The following REPS1 variants were observed in gnomAD, a reference collection of about 807,000 sequenced individuals.
REPS1 encodes ralBP1-associated Eps domain-containing protein 1.
A neutral mutation model predicts 100.9 loss-of-function variants in REPS1; 39 were observed. The ratio of observed to expected loss-of-function variants is 0.39; its 90% CI spans 0.30 to 0.50. The LOEUF (loss-of-function observed/expected upper bound fraction) is 0.50, where lower values mean the gene tolerates loss of function less well. REPS1 is among the 20% of genes least tolerant of loss of function. REPS1 has a pLI of 0.86. For missense variants in REPS1, 821 were observed against 968.5 expected, an observed-to-expected ratio of 0.85 and a Z score of 2.02; for synonymous variants, 324 against 340.3, an observed-to-expected ratio of 0.95 and a Z score of 0.53.
In REPS1 at chr6:138,914,707, TGTG is replaced by T; in HGVS notation, c.1772_1774del (p.Pro591del). On this transcript the variant is annotated inframe_deletion, in exon 15 of 20. Transcript: ENST00000450536. ...ACCTTGGAGAATTACCTGTGAGGGC[TGTG>T]GTCTTGGAGGCACTGCAGGAGGATG... is the stretch of plus-strand genomic sequence containing the variant. The T allele has an allele frequency of 6.2e-7, 1 of 1,613,394 alleles. No homozygotes were observed. Among genetic ancestry groups the T allele is most frequent in the Non-Finnish European group, 8.5e-7 (1 of 1,179,412 alleles).
rs1784191156 is a variant in REPS1, at chr6:138,969,279, T to TTTTTTTTTTTTTTTTTTTTTTTTTTG, written c.153+18250_153+18251insCAAAAAAAAAAAAAAAAAAAAAAAAA. Among the ~76,000 whole-genome samples, 2 of 126,248 alleles carry TTTTTTTTTTTTTTTTTTTTTTTTTTG rather than the reference T, an allele frequency of 1.6e-5. 1 individual carries two copies. The highest frequency in any genetic ancestry group is 6.5e-5 in the African/African-American group (2 of 30,900). 82.8% of individuals were successfully genotyped at this position (126,248 alleles called of 152,430 possible). On this transcript the variant is annotated intron_variant, in intron 1 of 19. Coordinates refer to ENST00000450536, the MANE Select transcript of REPS1 (RefSeq NM_001286611.2). ...TGATACAAAGCTGTAATTTTTTTTT[T>TTTTTTTTTTTTTTTTTTTTTTTTTTG]TTTTTTTTTTTTTTTTTTGAGATAG...
chr6:138,916,829 T>C (rs768087782), intron 13 of REPS1, among the ~76,000 whole-genome samples: 1 of 152,136 alleles, frequency 6.6e-6, no homozygotes, highest in Non-Finnish European at 1.5e-5. Context: ...AGGCCTCTGG[T>C]AATCTGATCT....
chr6:138,938,461 A>AT (rs1216945952), intron 8 of REPS1, among the ~76,000 whole-genome samples: 1 of 152,190 alleles, frequency 6.6e-6, no homozygotes, highest in Non-Finnish European at 1.5e-5. Context: ...AAATCGCTGT[A>AT]TTTTCAAAGG....
chr6:138,973,437 C>T (rs556557047), intron 1 of REPS1, among the ~76,000 whole-genome samples: 41 of 152,054 alleles, frequency 2.7e-4, no homozygotes, highest in Admixed American at 5.2e-4. Context: ...GAAGAATTTG[C>T]TCTGGATCCC....
Position 138,943,043 on chromosome 6 carries a change from C to T in REPS1, c.980+470G>A, listed in dbSNP as rs13213767. Among the ~76,000 whole-genome samples, 104 of 152,308 alleles carry T rather than the reference C, an allele frequency of 6.8e-4. 1 individual carries two copies. Among genetic ancestry groups the T allele is most frequent in the Non-Finnish European group, 1.2e-3 (81 of 68,038 alleles). ...GATTACAGGTATGAGCCACCGCACC[C>T]GGCCCTGGCCTATTTTTATAAAGTA... On this transcript the variant is annotated intron_variant, in intron 7 of 19. Transcript: ENST00000450536.
At chr6:138,982,008 CTG>C (rs1355041402) in intron 1 of REPS1, among the ~76,000 whole-genome samples, 1 of 152,204 alleles carries the variant, frequency 6.6e-6, no homozygotes, top group African/African-American at 2.4e-5. Flanking sequence ...AACACATTGA[CTG>C]TGACTTCTTT....
At chr6:138,949,986 A>G (rs1049485432) in intron 1 of REPS1, among the ~76,000 whole-genome samples, 1 of 152,068 alleles carries the variant, frequency 6.6e-6, no homozygotes, top group Non-Finnish European at 1.5e-5. Context: ...GTGATACAGA[A>G]TTTTCCAATT....
chr6:138,986,821 TC>T (rs1785285642), intron 1 of REPS1, among the ~76,000 whole-genome samples: 2 of 152,176 alleles, frequency 1.3e-5, no homozygotes, highest in Non-Finnish European at 2.9e-5. Flanking sequence ...GGTTTGCTCC[TC>T]CAGGGCTTCA....
chr6:138,931,969 G>C (rs892647060), intron 8 of REPS1, among the ~76,000 whole-genome samples: 2 of 152,098 alleles, frequency 1.3e-5, no homozygotes, highest in Admixed American at 6.5e-5. Flanking sequence ...ACTAATTTTC[G>C]AAAGAATTTA....
intron 16 of REPS1, among the ~76,000 whole-genome samples, chr6:138,912,209 C>G: frequency 6.6e-6 from 1 of 152,198 alleles, no homozygotes; most frequent in South Asian, 2.1e-4. Flanking sequence ...TAGAGAGGTT[C>G]TTGCCATTGG....
Position 138,904,126 on chromosome 6 carries a change from A to T in REPS1, c.*938T>A, listed in dbSNP as rs984941602. 1 of 152,236 alleles carries T rather than the reference A, an allele frequency of 6.6e-6. No homozygotes were observed. Among genetic ancestry groups the T allele is most frequent in the East Asian group, 1.9e-4 (1 of 5,206 alleles). 9.4% of individuals were successfully genotyped at this position (152,236 alleles called of 1,614,324 possible). On this transcript the variant is annotated 3_prime_UTR_variant, in exon 20 of 20. Transcript: ENST00000450536. ...ATAGACAGAATAAATCTTAAAGGGA[A>T]TATCTGCTGTTAGCAATGGATCGAA... is the stretch of plus-strand genomic sequence containing the variant.
intron 1 of REPS1, among the ~76,000 whole-genome samples, chr6:138,950,766 C>G (rs1782964427): frequency 6.6e-6 from 1 of 152,122 alleles, no homozygotes; most frequent in Admixed American, 6.5e-5. Flanking sequence ...AATCATTTGT[C>G]AGAATAAACT....
intron 2 of REPS1, among the ~76,000 whole-genome samples, chr6:138,947,304 T>C (rs1782699474): frequency 6.6e-6 from 1 of 152,152 alleles, no homozygotes; most frequent in Admixed American, 6.6e-5. Context: ...TTTAATATTG[T>C]CTCTTATCGA....
intron 15 of REPS1, among the ~76,000 whole-genome samples, chr6:138,913,549 A>G (rs1167071649): frequency 6.6e-6 from 1 of 152,228 alleles, no homozygotes; most frequent in Non-Finnish European, 1.5e-5. Context: ...GACAGTCCGG[A>G]GCAGGAGAAG....
chr6:138,957,750 A>C (rs1783490211), intron 1 of REPS1, among the ~76,000 whole-genome samples: 1 of 152,166 alleles, frequency 6.6e-6, no homozygotes, highest in Non-Finnish European at 1.5e-5. Context: ...TGTGAGAAAA[A>C]ACAAAAGACA....
At chr6:138,925,260 G>A (rs576039109) in intron 10 of REPS1, among the ~76,000 whole-genome samples, 20 of 151,940 alleles carry the variant, frequency 1.3e-4, no homozygotes, top group Non-Finnish European at 2.6e-4. Flanking sequence ...CCAGCTACTC[G>A]GGAGGCTAAG....
chr6:138,903,709 G>A lies in REPS1; in HGVS notation c.*1355C>T, dbSNP rs1202708725. ...CACTCAGAAAAACAGGTGTTGAGTA[G>A]TTTCCTGGGCCTTTAATGCTTTAAA... On this transcript the variant is annotated 3_prime_UTR_variant, in exon 20 of 20. Transcript: ENST00000450536. 1 of 152,162 alleles carries A rather than the reference G, an allele frequency of 6.6e-6. No individual in the cohort carries two copies. Among genetic ancestry groups the A allele is most frequent in the Non-Finnish European group, 1.5e-5 (1 of 68,024 alleles). 9.4% of individuals were successfully genotyped at this position (152,162 alleles called of 1,614,324 possible).
chr6:138,918,469 C>T (rs577368443), intron 12 of REPS1, among the ~76,000 whole-genome samples: 2 of 152,086 alleles, frequency 1.3e-5, no homozygotes. Flanking sequence ...TAGATACAAA[C>T]ATAACTTACA....
intron 2 of REPS1, 50 bp from the exon 3 acceptor site, chr6:138,945,747 A>G: frequency 2.2e-6 from 3 of 1,349,364 alleles, no homozygotes; most frequent in Non-Finnish European, 3.0e-6. Context: ...GGACATATAT[A>G]TTGAAAACTA....
Sources: gnomAD v4.1 joint callset for allele counts (sites outside exome capture counted in the v4.1 genomes callset) on GRCh38, gnomAD v4.1.1 for gene constraint, MANE v1.5 for transcripts, NCBI Gene and HGNC (gene_info 2026-07-23, HGNC 2026-07-21) for gene names.